The following SAMMSON variants were observed in gnomAD, a reference collection of about 807,000 sequenced individuals.
SAMMSON encodes the protein survival associated mitochondrial melanoma specific oncogenic non-coding RNA, also known as long intergenic non-protein coding RNA 1212.
chr3:70,358,449 G>C (rs1328384866), intron 9 of SAMMSON: 1 of 152,162 alleles, frequency 6.6e-6, no homozygotes, highest in Non-Finnish European at 1.5e-5. Flanking sequence ...CACGGTATAA[G>C]AGTTAAAGGA....
At chr3:70,167,165 G>GT (rs1374249998) in intron 4 of SAMMSON, among the ~76,000 whole-genome samples, 2 of 151,714 alleles carry the variant, frequency 1.3e-5, no homozygotes, top group African/African-American at 4.8e-5. Flanking sequence ...TACTGTACAC[G>GT]TTATATTTTA....
chr3:70,035,693 T>G (rs1411770355), intron 3 of SAMMSON, among the ~76,000 whole-genome samples: 1 of 152,160 alleles, frequency 6.6e-6, no homozygotes, highest in Non-Finnish European at 1.5e-5. Flanking sequence ...CCAAAAAATT[T>G]AGGAGGCAGG....
At chr3:70,186,398 C>T (rs1243289259) in intron 4 of SAMMSON, among the ~76,000 whole-genome samples, 1 of 152,000 alleles carries the variant, frequency 6.6e-6, no homozygotes, top group East Asian at 1.9e-4. Context: ...ATTGGGACTA[C>T]AGGTGCATGC....
chr3:70,118,423 T>TC (rs1401304110), intron 4 of SAMMSON, among the ~76,000 whole-genome samples: 1 of 152,154 alleles, frequency 6.6e-6, no homozygotes, highest in African/African-American at 2.4e-5. Flanking sequence ...GAATCTTTTT[T>TC]CCCCCAACCT....
At chr3:70,109,382 G>A (rs933937043) in intron 4 of SAMMSON, among the ~76,000 whole-genome samples, 3 of 151,900 alleles carry the variant, frequency 2.0e-5, no homozygotes, top group African/African-American at 4.8e-5. Flanking sequence ...CTTCCATCCC[G>A]GCTACAATTC....
intron 3 of SAMMSON, among the ~76,000 whole-genome samples, chr3:70,060,393 T>A (rs1167003808): frequency 6.6e-6 from 1 of 152,074 alleles, no homozygotes; most frequent in Non-Finnish European, 1.5e-5. Flanking sequence ...AGTGCTATTT[T>A]CTCTAATAAA....
In SAMMSON at chr3:70,327,493, G is replaced by C. The variant is rs534025727; in HGVS notation, n.740-26682G>C. 1.2e-4 allele frequency among the ~76,000 whole-genome samples: 18 copies of C among 152,266 alleles called. No individual in the cohort carries two copies. In the South Asian group the frequency reaches 3.7e-3, roughly 32 times the overall value. On this transcript the variant is annotated intron_variant and non_coding_transcript_variant, in intron 7 of 9. Transcript: ENST00000642114. ...AGAACTCAGAATTTGGGGACGCTAAGGCAGGTAGAATTCACATGTCTGTGT... is the reference window on the plus strand; with the variant it reads ...AGAACTCAGAATTTGGGGACGCTAACGCAGGTAGAATTCACATGTCTGTGT...
intron 1 of SAMMSON, among the ~76,000 whole-genome samples, chr3:70,006,289 T>G (rs1299722723): frequency 6.6e-6 from 1 of 152,136 alleles, no homozygotes; most frequent in Non-Finnish European, 1.5e-5. Flanking sequence ...ATTTGTGGAG[T>G]GTTTCAGACT....
chr3:70,056,197 A>G (rs145837020), intron 3 of SAMMSON, among the ~76,000 whole-genome samples: 3 of 151,952 alleles, frequency 2.0e-5, no homozygotes, highest in Admixed American at 6.6e-5. Flanking sequence ...ACTAATCTCA[A>G]ATTTGATAGC....
At chr3:70,052,218 A>C (rs998114851) in intron 3 of SAMMSON, among the ~76,000 whole-genome samples, 8 of 152,144 alleles carry the variant, frequency 5.3e-5, no homozygotes, top group African/African-American at 1.9e-4. Flanking sequence ...ACCCACAAGA[A>C]TATTCCCACT....
intron 4 of SAMMSON, among the ~76,000 whole-genome samples, chr3:70,200,209 C>T (rs371016254): frequency 3.3e-5 from 5 of 152,330 alleles, no homozygotes; most frequent in Admixed American, 2.0e-4. Flanking sequence ...CAATAGCCTC[C>T]TGGCAAGGAC....
intron 4 of SAMMSON, among the ~76,000 whole-genome samples, chr3:70,096,760 T>C (rs2067324429): frequency 6.6e-6 from 1 of 152,144 alleles, no homozygotes; most frequent in Non-Finnish European, 1.5e-5. Context: ...AGCAACATGT[T>C]GTTATTGTCC....
chr3:70,362,874 C>G (rs1575633892), intron 9 of SAMMSON, among the ~76,000 whole-genome samples: 5 of 147,118 alleles, frequency 3.4e-5, no homozygotes, highest in Admixed American at 6.8e-5. Context: ...AACAGTGACT[C>G]TCAGAGTATA....
intron 2 of SAMMSON, among the ~76,000 whole-genome samples, chr3:70,402,024 TA>T (rs1701145123): frequency 6.6e-6 from 1 of 152,172 alleles, no homozygotes; most frequent in Admixed American, 6.5e-5. Context: ...CCAGGTTACT[TA>T]AAAGTGTGAC....
chr3:70,004,959 G>A (rs2066920334), intron 1 of SAMMSON, among the ~76,000 whole-genome samples: 1 of 152,160 alleles, frequency 6.6e-6, no homozygotes, highest in Admixed American at 6.5e-5. Flanking sequence ...GAAGCCCAAA[G>A]GGGGAACTGC....
intron 7 of SAMMSON, among the ~76,000 whole-genome samples, chr3:70,293,618 G>T (rs964544630): frequency 1.3e-5 from 2 of 152,090 alleles, no homozygotes; most frequent in Non-Finnish European, 2.9e-5. Context: ...TGTTAGCTTG[G>T]TTTTTGCCAC....
intron 9 of SAMMSON, among the ~76,000 whole-genome samples, chr3:70,379,567 T>C (rs928244933): frequency 6.6e-6 from 1 of 152,150 alleles, no homozygotes; most frequent in South Asian, 2.1e-4. Flanking sequence ...GGTCCTCTAC[T>C]GGGCTGAAAT....
At chr3:70,249,627 T>C (rs1045549538) in exon 6 of SAMMSON, 2 of 152,112 alleles carry the variant, frequency 1.3e-5, no homozygotes, top group South Asian at 2.1e-4. Context: ...AGAAATGTAA[T>C]GTTTTGGTCA....
At chr3:70,035,565 C>T (rs1017780056) in intron 3 of SAMMSON, among the ~76,000 whole-genome samples, 9 of 152,106 alleles carry the variant, frequency 5.9e-5, no homozygotes, top group South Asian at 2.1e-4. Context: ...TATGCAACTC[C>T]GGGAGTACCA....
Sources: allele counts gnomAD v4.1 joint callset (sites outside exome capture counted in the v4.1 genomes callset), GRCh38; gene constraint gnomAD v4.1.1; transcripts MANE v1.5; gene names NCBI Gene and HGNC (gene_info 2026-07-23, HGNC 2026-07-21).